CLNK: variants seen among roughly 807,000 people sequenced by gnomAD.
The protein encoded by CLNK is cytokine dependent hematopoietic cell linker.
CLNK carries 74 observed loss-of-function variants against 68.6 expected under a neutral mutation model. The observed-to-expected ratio is 1.08, with a 90% CI of 0.89 to 1.31. The LOEUF (loss-of-function observed/expected upper bound fraction) is 1.31. Ranked by LOEUF, CLNK falls within the 50% of genes most tolerant of loss-of-function variation. CLNK has a pLI of 0.00. For missense variants in CLNK, 553 were observed against 515.3 expected, an observed-to-expected ratio of 1.07 and a Z score of -0.71; for synonymous variants, 198 against 172.2, an observed-to-expected ratio of 1.15 and a Z score of -1.17.
intron 8 of CLNK, 30 bp from the exon 9 acceptor site, chr4:10,542,310 T>C: frequency 6.8e-7 from 1 of 1,464,964 alleles, no homozygotes; most frequent in Non-Finnish European, 9.4e-7. Flanking sequence ...AGCAGTGAAT[T>C]TATGGAAAAT....
At chr4:10,618,350 A>G (rs1475358438) in intron 2 of CLNK, among the ~76,000 whole-genome samples, 3 of 152,192 alleles carry the variant, frequency 2.0e-5, no homozygotes, top group East Asian at 1.9e-4. Flanking sequence ...TAGATTAGTA[A>G]TTGCCTGGGG....
the CLNK span, among the ~76,000 whole-genome samples, chr4:10,718,033 C>T: frequency 2.7e-3 from 415 of 152,000 alleles, 2 homozygotes; most frequent in Middle Eastern, 0.02. Context: ...TAGAGAAGAA[C>T]AAATGGAAAT....
At chr4:10,540,752 C>A in intron 10 of CLNK, 148 bp from the exon 11 acceptor site, 1 of 621,332 alleles carries the variant, frequency 1.6e-6, no homozygotes, top group South Asian at 1.9e-5. Flanking sequence ...GCAGACCGAT[C>A]TGGTCTGGCA....
chr4:10,547,872 T>C (rs575402980), intron 8 of CLNK, among the ~76,000 whole-genome samples: 2 of 152,236 alleles, frequency 1.3e-5, no homozygotes, highest in East Asian at 3.9e-4. Context: ...ATACCACAAT[T>C]TTTTGATCCA....
chr4:10,522,234 G>T (rs1340704661), intron 14 of CLNK, among the ~76,000 whole-genome samples: 1 of 142,248 alleles, frequency 7.0e-6, no homozygotes, highest in Non-Finnish European at 1.5e-5. Context: ...CTCCAGCCTG[G>T]GCAACAGAGT....
At chr4:10,576,228 C>T (rs190244805) in intron 4 of CLNK, among the ~76,000 whole-genome samples, 1 of 152,314 alleles carries the variant, frequency 6.6e-6, no homozygotes, top group East Asian at 1.9e-4. Context: ...AGTGGCTCAC[C>T]CAAACCCTTC....
intron 3 of CLNK, among the ~76,000 whole-genome samples, chr4:10,587,148 T>C (rs1720999483): frequency 6.6e-6 from 1 of 152,074 alleles, no homozygotes; most frequent in African/African-American, 2.4e-5. Flanking sequence ...GTATTTGTAG[T>C]AGAGATGAGG....
intron 2 of CLNK, among the ~76,000 whole-genome samples, chr4:10,653,368 A>G (rs187394020): frequency 1.3e-3 from 178 of 138,528 alleles, no homozygotes; most frequent in Non-Finnish European, 2.3e-3. Context: ...ATAAAAAAAA[A>G]GAACGTAAAA....
chr4:10,602,539 C>T (rs749906539), intron 2 of CLNK, among the ~76,000 whole-genome samples: 6 of 152,112 alleles, frequency 3.9e-5, no homozygotes, highest in Non-Finnish European at 7.4e-5. Context: ...AGCCACTAAA[C>T]GCTGGAAGAG....
chr4:10,652,225 T>C (rs1298877882), intron 2 of CLNK, among the ~76,000 whole-genome samples: 1 of 151,432 alleles, frequency 6.6e-6, no homozygotes, highest in African/African-American at 2.4e-5. Flanking sequence ...TACTAAAAAA[T>C]ACAAATATTA....
In CLNK at chr4:10,660,329, G is replaced by A. The variant is rs551049905; in HGVS notation, c.11+7530C>T. On this transcript the variant is annotated intron_variant, in intron 2 of 18. Transcript: ENST00000226951. ...TTGAAAGATTGCATAGCTATAAAAC[G>A]ACTGTAATAACATTGGGAGACATTA... 2.0e-5 allele frequency among the ~76,000 whole-genome samples: 3 copies of A among 152,250 alleles called. No individual in the cohort carries two copies. The South Asian group carries it at 6.2e-4, about 32-fold the overall frequency.
intron 1 of CLNK, among the ~76,000 whole-genome samples, chr4:10,673,027 T>TATCA (rs1474507386): frequency 3.9e-5 from 6 of 152,238 alleles, no homozygotes; most frequent in African/African-American, 9.6e-5. Flanking sequence ...TTAAAAAACC[T>TATCA]ATCACATCCA....
intron 2 of CLNK, among the ~76,000 whole-genome samples, chr4:10,667,658 T>G (rs1026888039): frequency 8.6e-6 from 1 of 116,840 alleles, no homozygotes; most frequent in Non-Finnish European, 1.8e-5. Context: ...CAGCAAATGC[T>G]CTGTCCATGG....
chr4:10,695,669 T>C, the CLNK span, among the ~76,000 whole-genome samples: 3 of 152,114 alleles, frequency 2.0e-5, no homozygotes, highest in Non-Finnish European at 4.4e-5. Flanking sequence ...TGCTTCCATA[T>C]CCCCACAGCC....
the CLNK span, among the ~76,000 whole-genome samples, chr4:10,709,207 A>C: frequency 6.6e-6 from 1 of 152,216 alleles, no homozygotes; most frequent in Non-Finnish European, 1.5e-5. Flanking sequence ...AAAGACTCAA[A>C]AAACTTTTTC....
intron 1 of CLNK, among the ~76,000 whole-genome samples, chr4:10,682,653 C>T (rs1352361585): frequency 5.3e-5 from 8 of 152,178 alleles, no homozygotes; most frequent in Non-Finnish European, 1.2e-4. Flanking sequence ...AGTAAAGTCA[C>T]ACACTAGATT....
chr4:10,703,663 G>A, the CLNK span, among the ~76,000 whole-genome samples: 1 of 152,098 alleles, frequency 6.6e-6, no homozygotes, highest in Admixed American at 6.6e-5. Flanking sequence ...ACATCATGAA[G>A]TTTACATATA....
the CLNK span, among the ~76,000 whole-genome samples, chr4:10,727,723 C>A: frequency 6.6e-6 from 1 of 152,118 alleles, no homozygotes. Flanking sequence ...GCCAAGCTGT[C>A]CAACACTAGA....
intron 7 of CLNK, among the ~76,000 whole-genome samples, chr4:10,559,572 G>A (rs2108819292): frequency 6.6e-6 from 1 of 152,240 alleles, no homozygotes; most frequent in Admixed American, 6.5e-5. Context: ...CATGCCCCAT[G>A]CTGCATTGCT....
Sources: gnomAD v4.1 joint callset for allele counts (sites outside exome capture counted in the v4.1 genomes callset) on GRCh38, gnomAD v4.1.1 for gene constraint, MANE v1.5 for transcripts, NCBI Gene and HGNC (gene_info 2026-07-23, HGNC 2026-07-21) for gene names.